The following SLC26A5 variants were observed in gnomAD, a reference collection of about 807,000 sequenced individuals.
The protein encoded by SLC26A5 is prestin.
A neutral mutation model predicts 81.0 loss-of-function variants in SLC26A5; 51 were observed. The observed-to-expected ratio is 0.63, with a 90% CI of 0.50 to 0.80. The LOEUF (loss-of-function observed/expected upper bound fraction) is 0.80, where lower values mean the gene tolerates loss of function less well. Ranked by LOEUF, SLC26A5 falls within the 30% of genes least tolerant of loss-of-function variation. SLC26A5 has a pLI of 0.00. For missense variants in SLC26A5, 771 were observed against 905.8 expected, an observed-to-expected ratio of 0.85 and a Z score of 1.91; for synonymous variants, 325 against 332.8, an observed-to-expected ratio of 0.98 and a Z score of 0.25.
Position 103,420,289 on chromosome 7 carries a change from CTT to C in SLC26A5, c.292+447_292+448del, listed in dbSNP as rs35755959. On this transcript the variant is annotated intron_variant, in intron 4 of 19. Transcript: ENST00000306312. ...TTTTCTACTATTAATATCCCTGGAGCTTTTTTTTTTTTTTTTTTTTTTTTGAG... is the reference window on the plus strand; with the variant it reads ...TTTTCTACTATTAATATCCCTGGAGCTTTTTTTTTTTTTTTTTTTTTTGAG... Among the ~76,000 whole-genome samples, 463 of 90,542 alleles carry C rather than the reference CTT, an allele frequency of 5.1e-3. 2 individuals are homozygous for C. The highest frequency in any genetic ancestry group is 7.7e-3 in the Non-Finnish European group (367 of 47,816). 59.4% of individuals were successfully genotyped at this position (90,542 alleles called of 152,430 possible).
chr7:103,381,618 T>C (rs1226808402), intron 14 of SLC26A5, among the ~76,000 whole-genome samples: 1 of 145,514 alleles, frequency 6.9e-6, no homozygotes, highest in African/African-American at 2.6e-5. Context: ...CAATATACAA[T>C]ACACACACCA....
At chr7:103,372,152 C>T (rs76094774), downstream of SLC26A5, among the ~76,000 whole-genome samples, 3 of 152,190 alleles carry the variant, frequency 2.0e-5, no homozygotes, top group East Asian at 3.9e-4. Context: ...TATCTGATCT[C>T]GTGATGATTG....
intron 14 of SLC26A5, among the ~76,000 whole-genome samples, chr7:103,381,687 A>C (rs1436473237): frequency 6.6e-6 from 1 of 150,964 alleles, no homozygotes; most frequent in African/African-American, 2.4e-5. Context: ...ATACGTGCAG[A>C]CACATGCATA....
chr7:103,391,583 C>T (rs779633164), intron 11 of SLC26A5, 39 bp downstream of exon 11: 1 of 1,492,792 alleles, frequency 6.7e-7, no homozygotes, highest in African/African-American at 1.4e-5. Context: ...TTAATTACCA[C>T]CCATATCATC....
chr7:103,379,469 T>C (rs1279046489), intron 15 of SLC26A5, 134 bp from the exon 16 acceptor site: 2 of 560,272 alleles, frequency 3.6e-6, no homozygotes, highest in African/African-American at 2.0e-5. Context: ...GCTAAAATGA[T>C]GTCACACACA....
chr7:103,402,911 T>C (rs573630634), intron 8 of SLC26A5, among the ~76,000 whole-genome samples: 8 of 152,334 alleles, frequency 5.3e-5, no homozygotes, highest in Non-Finnish European at 1.0e-4. Context: ...TCTTGTCTTC[T>C]GCCAGCTTTT....
At chr7:103,393,881 TTAAC>T (rs1822874240) in intron 9 of SLC26A5, among the ~76,000 whole-genome samples, 2 of 152,278 alleles carry the variant, frequency 1.3e-5, no homozygotes, top group East Asian at 3.9e-4. Flanking sequence ...TAACAATAAC[TTAAC>T]TGATACTAAT....
chr7:103,396,615 T>G (rs1419396097), intron 9 of SLC26A5, among the ~76,000 whole-genome samples: 1 of 152,082 alleles, frequency 6.6e-6, no homozygotes, highest in African/African-American at 2.4e-5. Context: ...ACATGAGGCA[T>G]CTAGAGAAGT....
At chr7:103,427,326 C>A (rs1225638972) in intron 2 of SLC26A5, among the ~76,000 whole-genome samples, 2 of 152,076 alleles carry the variant, frequency 1.3e-5, no homozygotes, top group East Asian at 3.9e-4. Flanking sequence ...GATTTGCCCA[C>A]CTTGGCCTCC....
At chr7:103,369,799 C>T (rs184342263), downstream of SLC26A5, among the ~76,000 whole-genome samples, 324 of 152,152 alleles carry the variant, frequency 2.1e-3, 2 homozygotes, top group Non-Finnish European at 2.0e-3. Context: ...GAAAAATATA[C>T]CGTAGAATCC....
chr7:103,401,279 C>A (rs1393715016), intron 8 of SLC26A5, among the ~76,000 whole-genome samples: 2 of 152,142 alleles, frequency 1.3e-5, no homozygotes, highest in African/African-American at 4.8e-5. Flanking sequence ...TTGAAGAGGT[C>A]CTTCACATCC....
chr7:103,418,136 A>G (rs1825068038), intron 4 of SLC26A5, among the ~76,000 whole-genome samples: 1 of 152,014 alleles, frequency 6.6e-6, no homozygotes, highest in African/African-American at 2.4e-5. Context: ...CCTCTTCACC[A>G]TCCCCACACA....
intron 2 of SLC26A5, among the ~76,000 whole-genome samples, chr7:103,439,045 A>T (rs527637741): frequency 3.3e-5 from 5 of 152,304 alleles, no homozygotes; most frequent in South Asian, 2.1e-4. Context: ...ATAAACTAAG[A>T]ATACATTTTG....
intron 2 of SLC26A5, among the ~76,000 whole-genome samples, chr7:103,422,870 T>C (rs1168662127): frequency 6.6e-6 from 1 of 152,092 alleles, no homozygotes; most frequent in African/African-American, 2.4e-5. Context: ...GTTAAGTGCT[T>C]GTGTGGTGAC....
At chr7:103,368,245 A>AT (rs1165895686) in intron 19 of SLC26A5, 6 of 602,288 alleles carry the variant, frequency 1.0e-5, no homozygotes, top group East Asian at 6.2e-5. Context: ...TATTTTGACT[A>AT]TTTTTTTGAC....
intron 2 of SLC26A5, among the ~76,000 whole-genome samples, chr7:103,436,584 G>A (rs1826470749): frequency 6.6e-6 from 1 of 152,196 alleles, no homozygotes; most frequent in Non-Finnish European, 1.5e-5. Flanking sequence ...AATGACAGAA[G>A]TGGACAAGGT....
At chr7:103,371,445 C>T (rs1490695670), downstream of SLC26A5, among the ~76,000 whole-genome samples, 1 of 151,190 alleles carries the variant, frequency 6.6e-6, no homozygotes, top group Non-Finnish European at 1.5e-5. Flanking sequence ...CTGCCTCAGC[C>T]TCCCGAGTAG....
rs1364191019 is a variant in SLC26A5, at chr7:103,411,407, C to A, written c.570+13G>T. Reference sequence around the variant, plus strand: ...CAAACGAGACAGTCCATTTCCCCATCTTTGAGCCTTACCTGAATGATTCCT... The same window carrying A: ...CAAACGAGACAGTCCATTTCCCCATATTTGAGCCTTACCTGAATGATTCCT... On this transcript the variant is annotated intron_variant, in intron 6 of 19. Transcript: ENST00000306312. The A allele has an allele frequency of 6.2e-7, 1 of 1,614,032 alleles. No homozygotes were observed. The highest frequency in any genetic ancestry group is 8.5e-7 in the Non-Finnish European group (1 of 1,179,922).
intron 11 of SLC26A5, among the ~76,000 whole-genome samples, chr7:103,391,057 G>C (rs141034624): frequency 6.6e-6 from 1 of 152,204 alleles, no homozygotes; most frequent in Admixed American, 6.5e-5. Context: ...GTAGAGACAG[G>C]GTTCACCAGG....
Sources: allele counts gnomAD v4.1 joint callset (sites outside exome capture counted in the v4.1 genomes callset), GRCh38; gene constraint gnomAD v4.1.1; transcripts MANE v1.5; gene names NCBI Gene and HGNC (gene_info 2026-07-23, HGNC 2026-07-21).